Variants in ASIC2 observed in about 807,000 individuals in gnomAD.
ASIC2 encodes the protein acid-sensing ion channel 2.
ASIC2 carries 25 observed loss-of-function variants against 57.3 expected under a neutral mutation model. That is an observed-to-expected ratio of 0.44 (90% CI 0.32 to 0.61). The LOEUF is 0.61. Ranked by LOEUF, ASIC2 falls within the 20% of genes least tolerant of loss-of-function variation. The probability of loss-of-function intolerance (pLI) is 0.06; values close to 1 mark genes in which losing one functional copy is unlikely to be tolerated. For synonymous variants in ASIC2, 319 were observed against 307.5 expected (o/e 1.04, Z -0.39); for missense variants, 641 against 738.1 (o/e 0.87, Z 1.52).
chr17:34,039,654 G>A, intron 1 of ASIC2: 1 of 1,612,922 alleles, frequency 6.2e-7, no homozygotes, highest in East Asian at 2.2e-5. Flanking sequence ...CTTTCCCTTG[G>A]CTACTTTCAT....
chr17:33,443,406 A>ATTGTTTTTTTTTT (rs1911895448), intron 1 of ASIC2, among the ~76,000 whole-genome samples: 1 of 75,232 alleles, frequency 1.3e-5, no homozygotes, highest in Non-Finnish European at 2.4e-5. Context: ...GGAGGGTAAG[A>ATTGTTTTTTTTTT]TTTTTTTTTT....
chr17:33,424,596 C>T (rs976662933), intron 1 of ASIC2, among the ~76,000 whole-genome samples: 3 of 152,220 alleles, frequency 2.0e-5, no homozygotes, highest in African/African-American at 7.2e-5. Context: ...TTAACATCTC[C>T]TTTTAAAATC....
At chr17:33,592,673 G>A (rs1490995006) in intron 1 of ASIC2, among the ~76,000 whole-genome samples, 2 of 152,062 alleles carry the variant, frequency 1.3e-5, no homozygotes, top group African/African-American at 4.8e-5. Flanking sequence ...TGGACTGCGA[G>A]CAGGAAATCT....
At chr17:34,149,491 T>C (rs1904429764) in intron 1 of ASIC2, among the ~76,000 whole-genome samples, 1 of 152,118 alleles carries the variant, frequency 6.6e-6, no homozygotes, top group South Asian at 2.1e-4. Flanking sequence ...AAACAACAAT[T>C]TCACCATATA....
intron 1 of ASIC2, among the ~76,000 whole-genome samples, chr17:33,397,259 A>G (rs1910111105): frequency 6.6e-6 from 1 of 152,224 alleles, no homozygotes; most frequent in Non-Finnish European, 1.5e-5. Context: ...GCCTGTTGCC[A>G]AATTCCCCTG....
intron 1 of ASIC2, among the ~76,000 whole-genome samples, chr17:34,103,335 G>T (rs1910934291): frequency 1.3e-5 from 2 of 151,740 alleles, no homozygotes; most frequent in African/African-American, 2.4e-5. Flanking sequence ...TTTTATATTT[G>T]CAGAGATGGG....
At chr17:34,129,600 A>G (rs1026566737) in intron 1 of ASIC2, among the ~76,000 whole-genome samples, 4 of 152,194 alleles carry the variant, frequency 2.6e-5, no homozygotes, top group Admixed American at 1.3e-4. Flanking sequence ...ATCACTGCCT[A>G]TAGTACCCCC....
At chr17:34,083,953 T>C in intron 1 of ASIC2, among the ~76,000 whole-genome samples, 1 of 152,214 alleles carries the variant, frequency 6.6e-6, no homozygotes, top group Non-Finnish European at 1.5e-5. Context: ...TTGTGAAAAT[T>C]TTCTCCCATT....
At chr17:33,821,725 T>A (rs1912751100) in intron 1 of ASIC2, among the ~76,000 whole-genome samples, 1 of 152,236 alleles carries the variant, frequency 6.6e-6, no homozygotes, top group Non-Finnish European at 1.5e-5. Context: ...GCAAACTCAT[T>A]TCCTTCTCAG....
intron 1 of ASIC2, among the ~76,000 whole-genome samples, chr17:33,999,459 G>A (rs557239809): frequency 6.6e-5 from 10 of 152,002 alleles, no homozygotes; most frequent in East Asian, 5.8e-4. Context: ...TCTGGTTGTC[G>A]TCTTTCATGA....
At chr17:33,821,622 T>A (rs1015006719) in intron 1 of ASIC2, among the ~76,000 whole-genome samples, 5 of 152,192 alleles carry the variant, frequency 3.3e-5, no homozygotes, top group African/African-American at 1.2e-4. Flanking sequence ...CCAAGTCTAA[T>A]TTGCACATGG....
intron 1 of ASIC2, among the ~76,000 whole-genome samples, chr17:33,588,238 G>T (rs577777561): frequency 1.6e-4 from 24 of 152,372 alleles, no homozygotes; most frequent in African/African-American, 5.3e-4. Flanking sequence ...TCTTGACCTT[G>T]AGAGGAGCAG....
chr17:33,938,117 C>G (rs34314793), intron 1 of ASIC2, among the ~76,000 whole-genome samples: 25,778 of 152,176 alleles, frequency 0.17, 2,437 homozygotes, highest in East Asian at 0.28. Flanking sequence ...ACTTTAAATA[C>G]CTGCCTGGGG....
intron 1 of ASIC2, among the ~76,000 whole-genome samples, chr17:33,948,633 A>AGC (rs1369680703): frequency 2.0e-5 from 3 of 152,134 alleles, no homozygotes; most frequent in Non-Finnish European, 2.9e-5. Flanking sequence ...GCTTTAGAAA[A>AGC]CCTGGAATCC....
chr17:33,792,730 C>T (rs1006877668), intron 1 of ASIC2: 3 of 152,172 alleles, frequency 2.0e-5, no homozygotes, highest in African/African-American at 7.2e-5. Context: ...CAGTTTTGAG[C>T]TCTCTAGGTG....
At chr17:33,994,065 G>C (rs1408808579) in intron 1 of ASIC2, among the ~76,000 whole-genome samples, 1 of 152,084 alleles carries the variant, frequency 6.6e-6, no homozygotes, top group Admixed American at 6.6e-5. Context: ...ATTAGATTAA[G>C]CTCCTATCAC....
chr17:33,845,415 T>C (rs1312144295), intron 1 of ASIC2, among the ~76,000 whole-genome samples: 3 of 152,168 alleles, frequency 2.0e-5, no homozygotes, highest in Non-Finnish European at 2.9e-5. Context: ...AAACGCAGCA[T>C]TGAACTTGGA....
intron 1 of ASIC2, among the ~76,000 whole-genome samples, chr17:33,893,103 G>C (rs1915006475): frequency 6.6e-6 from 1 of 152,172 alleles, no homozygotes; most frequent in African/African-American, 2.4e-5. Context: ...TAAAATGTTA[G>C]TTTTGTGCTA....
intron 1 of ASIC2, among the ~76,000 whole-genome samples, chr17:34,152,904 C>A (rs1282806087): frequency 6.6e-6 from 1 of 151,216 alleles, no homozygotes; most frequent in Non-Finnish European, 1.5e-5. Flanking sequence ...GGAATCAAAG[C>A]TGTCTTCTGC....
Sources: allele counts gnomAD v4.1 joint callset (sites outside exome capture counted in the v4.1 genomes callset), GRCh38; gene constraint gnomAD v4.1.1; transcripts MANE v1.5; gene names NCBI Gene and HGNC (gene_info 2026-07-23, HGNC 2026-07-21).